The following AGBL1 variants were observed in gnomAD, a reference collection of about 807,000 sequenced individuals.
AGBL1 encodes AGBL carboxypeptidase 1, also known as cytosolic carboxypeptidase 4.
A neutral mutation model predicts 118.9 loss-of-function variants in AGBL1; 130 were observed. The observed-to-expected ratio is 1.09, with a 90% CI of 0.95 to 1.26. The LOEUF is 1.26. AGBL1 is among the 50% of genes most tolerant of loss of function. The pLI is 0.00. For synonymous variants in AGBL1, 555 were observed against 478.9 expected (o/e 1.16, Z -2.08); for missense variants, 1,584 against 1,298.1 (o/e 1.22, Z -3.38).
At chr15:86,448,682 TG>T (rs772429319) in intron 18 of AGBL1, among the ~76,000 whole-genome samples, 2 of 136,192 alleles carry the variant, frequency 1.5e-5, no homozygotes, top group Non-Finnish European at 3.1e-5. Flanking sequence ...TGATTGAATG[TG>T]GGGGCAATCA....
rs75151563 is a variant in AGBL1, at chr15:86,489,082, G to A, written c.2556-33728G>A. 2.6e-5 allele frequency among the ~76,000 whole-genome samples: 4 copies of A among 152,132 alleles called. No homozygotes were observed. In the East Asian group the frequency reaches 7.8e-4, roughly 30 times the overall value. On this transcript the variant is annotated intron_variant, in intron 18 of 22. Coordinates refer to ENST00000614907, the MANE Select transcript of AGBL1 (RefSeq NM_001386094.1). ...TAGCAGAAGGGCTGCAGGAGCTAAG[G>A]GGAGAAGATATTAATAAAAGAGGCC...
At chr15:86,632,395 A>G (rs2084987966) in intron 21 of AGBL1, among the ~76,000 whole-genome samples, 1 of 152,022 alleles carries the variant, frequency 6.6e-6, no homozygotes, top group Admixed American at 6.6e-5. Flanking sequence ...GTGAGCCGAG[A>G]TTTCACCATT....
chr15:86,150,413 T>C (rs961638160), intron 3 of AGBL1, among the ~76,000 whole-genome samples: 2 of 151,762 alleles, frequency 1.3e-5, no homozygotes, highest in African/African-American at 2.4e-5. Flanking sequence ...AAGAATCAAA[T>C]AGATGCAATA....
At chr15:86,598,517 G>A (rs771334991) in intron 21 of AGBL1, among the ~76,000 whole-genome samples, 4 of 152,024 alleles carry the variant, frequency 2.6e-5, no homozygotes, top group Non-Finnish European at 5.9e-5. Flanking sequence ...AGCCCAAAAG[G>A]GATGTAGAGC....
intron 7 of AGBL1, among the ~76,000 whole-genome samples, 166 bp from the exon 8 acceptor site, chr15:86,256,687 A>T (rs75006037): frequency 0.018 from 2,782 of 152,356 alleles, 81 homozygotes; most frequent in African/African-American, 0.061. Flanking sequence ...CAAATTTGAC[A>T]TTCTACATTA....
intron 17 of AGBL1, among the ~76,000 whole-genome samples, chr15:86,349,535 C>G (rs1460334564): frequency 1.3e-5 from 2 of 152,146 alleles, no homozygotes; most frequent in South Asian, 2.1e-4. Flanking sequence ...TTTGTTAACT[C>G]TTGAAAGGCA....
chr15:86,175,946 G>A (rs146704814), intron 5 of AGBL1, among the ~76,000 whole-genome samples: 247 of 152,290 alleles, frequency 1.6e-3, no homozygotes, highest in African/African-American at 5.8e-3. Flanking sequence ...GCTGATGAGA[G>A]GAATGTGTAT....
intron 21 of AGBL1, among the ~76,000 whole-genome samples, chr15:86,671,377 T>C (rs2085743632): frequency 6.6e-6 from 1 of 152,214 alleles, no homozygotes; most frequent in East Asian, 1.9e-4. Flanking sequence ...TTTATTTTTG[T>C]GCAAAATAAA....
At position 86,196,871 on chromosome 15, in the gene AGBL1, GCGCGCGCGCA is replaced by G. The variant is rs1567119044; in HGVS notation, c.489-28041_489-28032del. ...TGCATATGCGAATGTGCACATGTGC[GCGCGCGCGCA>G]CACACACACACACACACACACACAC... On this transcript the variant is annotated intron_variant, in intron 5 of 22. Transcript: ENST00000614907. Among the ~76,000 whole-genome samples the G allele has an allele frequency of 2.5e-3, 250 of 99,624 alleles. 2 individuals are homozygous for G. The highest frequency in any genetic ancestry group is 7.5e-3 in the East Asian group (18 of 2,404). 65.4% of individuals were successfully genotyped at this position (99,624 alleles called of 152,430 possible). A position where few individuals can be genotyped will look rare whatever the true frequency, so the allele number is the denominator to read the frequency against.
chr15:86,172,611 G>A (rs1273596948), intron 5 of AGBL1, among the ~76,000 whole-genome samples: 3 of 152,156 alleles, frequency 2.0e-5, no homozygotes. Flanking sequence ...GTAGTTGTCT[G>A]TGTCTCGCTT....
intron 1 of AGBL1, among the ~76,000 whole-genome samples, chr15:86,129,401 C>T (rs1226697321): frequency 6.6e-6 from 1 of 152,134 alleles, no homozygotes; most frequent in Non-Finnish European, 1.5e-5. Flanking sequence ...GTGGGAGGCT[C>T]CATAAAGCTC....
intron 5 of AGBL1, among the ~76,000 whole-genome samples, chr15:86,224,599 C>G (rs541777250): frequency 2.4e-3 from 372 of 152,132 alleles, no homozygotes; most frequent in Non-Finnish European, 3.1e-3. Flanking sequence ...AGAGCTCTGC[C>G]TGGTATGAAT....
intron 17 of AGBL1, among the ~76,000 whole-genome samples, chr15:86,390,949 C>T (rs1384127357): frequency 4.0e-5 from 6 of 150,204 alleles, no homozygotes; most frequent in Non-Finnish European, 8.9e-5. Context: ...GTATTACAGG[C>T]GTGAGCCACC....
chr15:86,575,153 C>T (rs768368354), intron 21 of AGBL1, among the ~76,000 whole-genome samples: 1 of 151,842 alleles, frequency 6.6e-6, no homozygotes, highest in African/African-American at 2.4e-5. Flanking sequence ...CACACCACTG[C>T]ACTCCTGCCT....
chr15:86,546,566 T>C (rs1293227099), intron 20 of AGBL1, among the ~76,000 whole-genome samples: 1 of 152,158 alleles, frequency 6.6e-6, no homozygotes, highest in Admixed American at 6.6e-5. Flanking sequence ...AACACAATGA[T>C]ACTGAATACA....
chr15:86,175,297 A>G (rs2077468445), intron 5 of AGBL1, among the ~76,000 whole-genome samples: 1 of 152,022 alleles, frequency 6.6e-6, no homozygotes, highest in Non-Finnish European at 1.5e-5. Flanking sequence ...CTGATTTGCT[A>G]GCATATAGTT....
At chr15:86,617,283 A>G (rs976891944) in intron 21 of AGBL1, among the ~76,000 whole-genome samples, 2 of 152,216 alleles carry the variant, frequency 1.3e-5, no homozygotes, top group Non-Finnish European at 2.9e-5. Flanking sequence ...TCGATAGCCA[A>G]CAATAATATT....
chr15:86,887,626 C>T (rs2079989438), intron 22 of AGBL1, among the ~76,000 whole-genome samples: 1 of 152,144 alleles, frequency 6.6e-6, no homozygotes, highest in Non-Finnish European at 1.5e-5. Context: ...AAAACATAGT[C>T]CCTATAGAGA....
intron 18 of AGBL1, among the ~76,000 whole-genome samples, chr15:86,500,919 T>A (rs1256361643): frequency 6.6e-6 from 1 of 151,774 alleles, no homozygotes; most frequent in Non-Finnish European, 1.5e-5. Context: ...TTTGGCTTGT[T>A]TCCTCTTTCT....
Sources: allele counts gnomAD v4.1 joint callset (sites outside exome capture counted in the v4.1 genomes callset), GRCh38; gene constraint gnomAD v4.1.1; transcripts MANE v1.5; gene names NCBI Gene and HGNC (gene_info 2026-07-23, HGNC 2026-07-21).